The following TRIM67 variants were observed in gnomAD, a reference collection of about 807,000 sequenced individuals.
The protein encoded by TRIM67 is tripartite motif-containing protein 67.
In TRIM67, 39 loss-of-function variants were observed where a neutral mutation model predicts 71.0. The observed-to-expected ratio is 0.55, with a 90% CI of 0.43 to 0.72. The LOEUF is 0.72. Among genes scored for constraint, TRIM67 ranks in the 30% least tolerant of loss-of-function variants. TRIM67 has a pLI of 0.00. For missense variants in TRIM67, 973 were observed against 1,079.2 expected (o/e 0.90, Z 1.38); for synonymous variants, 481 against 473.9 (o/e 1.01, Z -0.19).
chr1:231,198,504 A>T (rs564250447), intron 2 of TRIM67, among the ~76,000 whole-genome samples: 39 of 152,252 alleles, frequency 2.6e-4, no homozygotes, highest in Admixed American at 5.9e-4. Flanking sequence ...CTCCTGCCTC[A>T]GCCCCCTGAG....
At chr1:231,206,621 G>C (rs766107347) in intron 6 of TRIM67, 31 bp from the exon 7 acceptor site, 19 of 1,528,756 alleles carry the variant, frequency 1.2e-5, no homozygotes, top group Middle Eastern at 1.7e-4. Context: ...AATGCTAGAG[G>C]AGCCTGGTGA....
chr1:231,213,914 C>T lies in TRIM67; in HGVS notation c.2223C>T (p.Pro741=). 1.2e-6 allele frequency: 2 copies of T among 1,613,758 alleles called. No individual in the cohort carries two copies. Among genetic ancestry groups the T allele is most frequent in the South Asian group, 1.1e-5 (1 of 91,068 alleles). Residue 741 remains proline (P), a synonymous_variant, in exon 9 of 10, where the codon CCC becomes CCT. Transcript: ENST00000366653. ...TFFINGQQQG[P]TAFSHVDGVF... is the part of the protein sequence containing the mutation. Reference sequence around the variant, plus strand: ...TCATCAACGGGCAGCAGCAGGGCCCCACAGCCTTCAGCCACGTGGACGGGG... The same window carrying T: ...TCATCAACGGGCAGCAGCAGGGCCCTACAGCCTTCAGCCACGTGGACGGGG...
intron 1 of TRIM67, among the ~76,000 whole-genome samples, chr1:231,195,566 G>A (rs901136305): frequency 2.6e-5 from 4 of 152,204 alleles, no homozygotes; most frequent in Middle Eastern, 3.2e-3. Context: ...CTGCACCTCC[G>A]CTGATCCTTA....
chr1:231,197,885 G>T (rs995798319), intron 2 of TRIM67, among the ~76,000 whole-genome samples: 5 of 151,948 alleles, frequency 3.3e-5, no homozygotes, highest in African/African-American at 9.7e-5. Context: ...AGAAGGAGAA[G>T]AAGAAAGGAA....
chr1:231,198,998 C>T, intron 2 of TRIM67, 49 bp from the exon 3 acceptor site: 2 of 1,611,196 alleles, frequency 1.2e-6, no homozygotes, highest in South Asian at 1.1e-5. Flanking sequence ...TTAGCATCTT[C>T]CCCCTAAAAC....
chr1:231,204,039 G>A (rs1161679827), intron 6 of TRIM67, 27 bp downstream of exon 6: 2 of 1,612,490 alleles, frequency 1.2e-6, no homozygotes, highest in South Asian at 1.1e-5. Context: ...TATTTGGCGG[G>A]GATTGAGGGT....
At position 231,216,865 on chromosome 1, in the gene TRIM67, A is replaced by G; in HGVS notation, c.*1425A>G. The G allele has an allele frequency of 1.0e-6, 1 of 985,460 alleles. No individual in the cohort carries two copies. The highest frequency in any genetic ancestry group is 1.2e-6 in the Non-Finnish European group (1 of 829,964). 61.0% of individuals were successfully genotyped at this position (985,460 alleles called of 1,614,324 possible). On this transcript the variant is annotated 3_prime_UTR_variant, in exon 10 of 10. Transcript: ENST00000366653. ...AACCCTTCCTCTCCTCCCTCCTCTC[A>G]TCTTCCCAGTCACCTGCCACCTCCA...
intron 1 of TRIM67, among the ~76,000 whole-genome samples, chr1:231,182,861 C>T (rs1448206009): frequency 2.6e-5 from 4 of 152,190 alleles, no homozygotes; most frequent in African/African-American, 9.7e-5. Flanking sequence ...CGTGTGCCTG[C>T]GGATATAGCT....
Position 231,206,670 on chromosome 1 carries a change from G to A in TRIM67, c.1699G>A (p.Glu567Lys), listed in dbSNP as rs374426331. 1.0e-5 allele frequency: 16 copies of A among 1,606,864 alleles called. No individual in the cohort carries two copies. The highest frequency in any genetic ancestry group is 1.4e-5 in the Non-Finnish European group (16 of 1,176,894). ...GQFREVYVGK[E>K]TLCTIDGLHF... ...CTTTCAGGAAGTGTACGTCGGTAAGGAGACTTTGTGTACCATCGACGGTCT... is the reference window on the plus strand; with the variant it reads ...CTTTCAGGAAGTGTACGTCGGTAAGAAGACTTTGTGTACCATCGACGGTCT... Residue 567 changes from glutamate to lysine, a missense_variant, in exon 7 of 10, where the codon GAG becomes AAG. Physicochemically the swap from Glu to Lys is moderately conservative, Grantham distance 56. Coordinates refer to ENST00000366653, the MANE Select transcript of TRIM67 (RefSeq NM_001004342.5).
rs1684052370 is a variant in TRIM67 at position 231,217,753 on chromosome 1, C to G, written c.*2313C>G. On this transcript the variant is annotated 3_prime_UTR_variant, in exon 10 of 10. Coordinates refer to ENST00000366653, the MANE Select transcript of TRIM67 (RefSeq NM_001004342.5). ...GGCCCCAGCTCTGCAGAAGAATCGC[C>G]CATCATTGGAGCACAAGTTGCCTGG... The G allele has an allele frequency of 7.9e-7, 1 of 1,271,628 alleles. No homozygotes were observed. The highest frequency in any genetic ancestry group is 1.5e-5 in the African/African-American group (1 of 65,516). 78.8% of individuals were successfully genotyped at this position (1,271,628 alleles called of 1,614,324 possible). A position where few individuals can be genotyped will look rare whatever the true frequency, so the allele number is the denominator to read the frequency against.
chr1:231,163,802 G>A lies in TRIM67; in HGVS notation c.833G>A (p.Gly278Asp). 1 of 1,494,606 alleles carries A rather than the reference G, an allele frequency of 6.7e-7. No homozygotes were observed. The highest frequency in any genetic ancestry group is 1.3e-5 in the South Asian group (1 of 76,970). 92.6% of individuals were successfully genotyped at this position (1,494,606 alleles called of 1,614,324 possible). ...TGTAQGAPSGGGGCKSPGGAG... is the reference protein window; with the variant it reads ...TGTAQGAPSGDGGCKSPGGAG... ...ACCGCCCAGGGCGCCCCCAGCGGAG[G>A]CGGCGGCTGCAAGAGCCCGGGAGGC... The change falls in exon 1 of 10, where the codon GGC becomes GAC. Residue 278 changes from glycine to aspartate, a missense_variant. This residue lies in a region of TRIM67 where 795 missense variants were observed against 831.3 expected (regional missense o/e 0.96). Transcript: ENST00000366653.
intron 8 of TRIM67, among the ~76,000 whole-genome samples, chr1:231,211,452 T>C (rs188000493): frequency 6.6e-6 from 1 of 152,216 alleles, no homozygotes; most frequent in Admixed American, 6.5e-5. Flanking sequence ...GCCTGAGGCT[T>C]TGCTTAGGTT....
At chr1:231,178,758 G>A (rs1682823327) in intron 1 of TRIM67, among the ~76,000 whole-genome samples, 2 of 152,202 alleles carry the variant, frequency 1.3e-5, no homozygotes, top group African/African-American at 4.8e-5. Context: ...TGTTCCATTT[G>A]GAACTATACG....
chr1:231,203,900 G>C lies in TRIM67; in HGVS notation c.1568G>C (p.Cys523Ser). 4.3e-6 allele frequency: 7 copies of C among 1,613,872 alleles called. No homozygotes were observed. The highest frequency in any genetic ancestry group is 5.9e-6 in the Non-Finnish European group (7 of 1,179,870). Residue 523 changes from cysteine (C) to serine (S), a missense_variant, in exon 6 of 10, where the codon TGC becomes TCC. By Grantham distance (112) the Cys-to-Ser change is moderately radical. This residue lies in a region of TRIM67 where 795 missense variants were observed against 831.3 expected (regional missense o/e 0.96). Coordinates refer to ENST00000366653, the MANE Select transcript of TRIM67 (RefSeq NM_001004342.5). ...GTCCCCCTACTGCAGCTGGAGAAAT[G>C]CTGCACCCGTAACAACAGCGTCACG... ...PPVPLLQLEK[C>S]CTRNNSVTLA...
At chr1:231,215,310 G>A in intron 9 of TRIM67, 65 bp from the exon 10 acceptor site, 3 of 1,570,948 alleles carry the variant, frequency 1.9e-6, no homozygotes, top group Non-Finnish European at 2.6e-6. Context: ...CTGCGGTGCT[G>A]TCAGAGCCCT....
intron 1 of TRIM67, among the ~76,000 whole-genome samples, chr1:231,193,932 C>T (rs187959614): frequency 6.6e-6 from 1 of 152,328 alleles, no homozygotes; most frequent in East Asian, 1.9e-4. Flanking sequence ...CACTAGGCTC[C>T]ACCTCCAAAA....
At chr1:231,165,702 T>C (rs1682442799) in intron 1 of TRIM67, among the ~76,000 whole-genome samples, 1 of 152,254 alleles carries the variant, frequency 6.6e-6, no homozygotes, top group African/African-American at 2.4e-5. Context: ...ACAGTAATTG[T>C]AGCTATCTTG....
chr1:231,179,380 T>A (rs1249955579), intron 1 of TRIM67, among the ~76,000 whole-genome samples: 2 of 152,230 alleles, frequency 1.3e-5, no homozygotes, highest in African/African-American at 4.8e-5. Flanking sequence ...ACCAATTACA[T>A]CTGTAATGGC....
At position 231,219,312 on chromosome 1, in the gene TRIM67, C is replaced by T. The variant is rs10864675; in HGVS notation, c.*3872C>T. 282,972 of 982,616 alleles carry T rather than the reference C, an allele frequency of 0.29. 41,841 individuals are homozygous for T. The highest frequency in any genetic ancestry group is 0.37 in the Admixed American group (5,983 of 16,374). The allele number at this position is 982,616 out of a possible 1,614,324, so 60.9% of individuals were successfully genotyped here. On this transcript the variant is annotated 3_prime_UTR_variant, in exon 10 of 10. Transcript: ENST00000366653. Reference sequence around the variant, plus strand: ...AGGTGTGACAACCAAAAGTATCTGTCGACATTGCTAGGTATCTCCTGGGGG... The same window carrying T: ...AGGTGTGACAACCAAAAGTATCTGTTGACATTGCTAGGTATCTCCTGGGGG...
Sources: gnomAD v4.1 joint callset for allele counts (sites outside exome capture counted in the v4.1 genomes callset) on GRCh38, gnomAD v4.1.1 for gene constraint, gnomAD v4.1.1 regional missense constraint, MANE v1.5 for transcripts, NCBI Gene and HGNC (gene_info 2026-07-23, HGNC 2026-07-21) for gene names.